The following TNS3 variants were observed in gnomAD, a reference collection of about 807,000 sequenced individuals.
TNS3 encodes tensin-3.
Under a neutral mutation model 140.9 loss-of-function variants are expected in TNS3, and 45 were observed. The observed-to-expected ratio is 0.32, with a 90% confidence interval of 0.25 to 0.41. The LOEUF (loss-of-function observed/expected upper bound fraction) is 0.41, where lower values mean the gene tolerates loss of function less well. TNS3 is among the 10% of genes least tolerant of loss of function. TNS3 has a pLI of 1.00. For missense variants in TNS3, 1,716 were observed against 1,906.7 expected, an observed-to-expected ratio of 0.90 and a Z score of 1.86; for synonymous variants, 815 against 788.4, an observed-to-expected ratio of 1.03 and a Z score of -0.56.
chr7:47,343,316 C>T (rs575084958), intron 20 of TNS3, among the ~76,000 whole-genome samples: 1 of 152,332 alleles, frequency 6.6e-6, no homozygotes, highest in Admixed American at 6.5e-5. Flanking sequence ...GGAGTTTAGA[C>T]GGGGCTCCAC....
intron 16 of TNS3, among the ~76,000 whole-genome samples, chr7:47,388,759 G>A (rs1332687338): frequency 2.0e-5 from 3 of 151,994 alleles, no homozygotes; most frequent in African/African-American, 7.3e-5. Flanking sequence ...CCAGCTACTC[G>A]GGAGGCTGAG....
At chr7:47,535,968 A>G (rs2151954242) in intron 1 of TNS3, among the ~76,000 whole-genome samples, 1 of 152,362 alleles carries the variant, frequency 6.6e-6, no homozygotes, top group African/African-American at 2.4e-5. Context: ...GGAAACCTTC[A>G]GAGGCATTCT....
intron 20 of TNS3, among the ~76,000 whole-genome samples, chr7:47,341,570 T>G (rs746825124): frequency 6.6e-6 from 1 of 152,190 alleles, no homozygotes; most frequent in Non-Finnish European, 1.5e-5. Context: ...GGGTCTTTAG[T>G]GATGGTGCCT....
At chr7:47,477,979 G>GCCCT (rs1456995622) in intron 4 of TNS3, among the ~76,000 whole-genome samples, 1 of 152,148 alleles carries the variant, frequency 6.6e-6, no homozygotes. Flanking sequence ...AGACAGCACT[G>GCCCT]CCCTGTTTAG....
intron 1 of TNS3, among the ~76,000 whole-genome samples, chr7:47,568,756 G>A (rs1800485851): frequency 2.0e-5 from 3 of 152,242 alleles, no homozygotes; most frequent in African/African-American, 4.8e-5. Flanking sequence ...GGCAGATGTG[G>A]GGGAGTCGTG....
intron 17 of TNS3, among the ~76,000 whole-genome samples, chr7:47,351,829 C>T (rs62446281): frequency 2.6e-5 from 4 of 152,136 alleles, no homozygotes; most frequent in East Asian, 1.9e-4. Flanking sequence ...GAATGGACCA[C>T]GCTAGGAGTG....
In TNS3 at chr7:47,513,705, G is replaced by T. The variant is rs568564364; in HGVS notation, c.-152-6761C>A. On this transcript the variant is annotated intron_variant, in intron 2 of 30. Coordinates refer to ENST00000311160, the MANE Select transcript of TNS3 (RefSeq NM_022748.12). ...AGAGGGTCAGTGACATTCCATGCAA[G>T]TAGGCTCCACCAAAAGCGTTTTCCT... Among the ~76,000 whole-genome samples the T allele has an allele frequency of 7.2e-5, 11 of 152,360 alleles. No individual in the cohort carries two copies. In the East Asian group the frequency reaches 1.9e-3, roughly 27 times the overall value.
At chr7:47,543,445 A>C (rs527428431) in intron 1 of TNS3, among the ~76,000 whole-genome samples, 107 of 152,368 alleles carry the variant, frequency 7.0e-4, no homozygotes, top group African/African-American at 2.4e-3. Context: ...GCTGACTTCC[A>C]GTCCCTGCGG....
chr7:47,275,875 C>T lies in TNS3; in HGVS notation c.*2201G>A. ...CTTCATGAGGGCCATCGCGGGCACC[C>T]CGATGTCTCTGTGATTCCCTGGCAG... On this transcript the variant is annotated 3_prime_UTR_variant, in exon 31 of 31. Transcript: ENST00000311160. 2 of 456,056 alleles carry T rather than the reference C, an allele frequency of 4.4e-6. No individual in the cohort carries two copies. Among genetic ancestry groups the T allele is most frequent in the South Asian group, 3.1e-5 (2 of 64,556 alleles). 28.3% of individuals were successfully genotyped at this position (456,056 alleles called of 1,614,324 possible).
At chr7:47,512,534 CAT>C (rs1400569653) in intron 2 of TNS3, among the ~76,000 whole-genome samples, 3 of 152,182 alleles carry the variant, frequency 2.0e-5, no homozygotes, top group African/African-American at 7.2e-5. Flanking sequence ...AACTATTTCA[CAT>C]GTGAGAGTTC....
chr7:47,537,241 C>A (rs1159902292), intron 1 of TNS3, among the ~76,000 whole-genome samples: 2 of 152,116 alleles, frequency 1.3e-5, no homozygotes, highest in African/African-American at 4.8e-5. Flanking sequence ...ATGGCCAACA[C>A]GGGAGGGGCC....
At chr7:47,339,318 T>G (rs149041958) in intron 20 of TNS3, among the ~76,000 whole-genome samples, 187 of 152,362 alleles carry the variant, frequency 1.2e-3, no homozygotes, top group African/African-American at 4.4e-3. Flanking sequence ...AAAAATACTA[T>G]GTTTTACATT....
intron 4 of TNS3, among the ~76,000 whole-genome samples, chr7:47,448,489 T>C (rs1266824213): frequency 6.6e-6 from 1 of 150,866 alleles, no homozygotes; most frequent in Non-Finnish European, 1.5e-5. Context: ...TTTTTTTTTT[T>C]TTTTTTTTGA....
At chr7:47,461,504 G>A (rs1368130822) in intron 4 of TNS3, among the ~76,000 whole-genome samples, 1 of 152,164 alleles carries the variant, frequency 6.6e-6, no homozygotes, top group African/African-American at 2.4e-5. Context: ...GGAACTAGAT[G>A]AAGACCGAAG....
chr7:47,481,594 T>C (rs1378824939), intron 3 of TNS3: 1 of 931,810 alleles, frequency 1.1e-6, no homozygotes, highest in Admixed American at 6.2e-5. Context: ...CAAGGGGCCA[T>C]CTTTTCTAGA....
At chr7:47,372,108 G>A (rs1262211770) in intron 16 of TNS3, among the ~76,000 whole-genome samples, 1 of 152,242 alleles carries the variant, frequency 6.6e-6, no homozygotes, top group African/African-American at 2.4e-5. Flanking sequence ...CGTGTGAGAA[G>A]GAGGTGCTGA....
intron 3 of TNS3, among the ~76,000 whole-genome samples, chr7:47,490,002 T>A (rs750353115): frequency 6.6e-6 from 1 of 152,214 alleles, no homozygotes; most frequent in African/African-American, 2.4e-5. Context: ...AAAGAGGACA[T>A]CTGGTGATTG....
intron 4 of TNS3, among the ~76,000 whole-genome samples, chr7:47,446,985 G>A (rs950106254): frequency 6.6e-6 from 1 of 150,430 alleles, no homozygotes; most frequent in African/African-American, 2.4e-5. Context: ...TCCGTGCCCG[G>A]CCAGACTGCT....
intron 20 of TNS3, among the ~76,000 whole-genome samples, chr7:47,316,095 T>TCC (rs1787384488): frequency 4.4e-4 from 1 of 2,272 alleles, no homozygotes; most frequent in East Asian, 0.014. Flanking sequence ...ACTAACTATT[T>TCC]CTCTCTCTCT....
Sources: gnomAD v4.1 joint callset for allele counts (sites outside exome capture counted in the v4.1 genomes callset) on GRCh38, gnomAD v4.1.1 for gene constraint, MANE v1.5 for transcripts, NCBI Gene and HGNC (gene_info 2026-07-23, HGNC 2026-07-21) for gene names.